BBX: variants seen among roughly 807,000 people sequenced by gnomAD.
The protein encoded by BBX is BBX high mobility group box domain containing.
A neutral mutation model predicts 100.2 loss-of-function variants in BBX; 30 were observed. The observed-to-expected ratio is 0.30, with a 90% CI of 0.22 to 0.41. The LOEUF is 0.41. BBX is among the 10% of genes least tolerant of loss of function. The pLI, the probability that BBX is intolerant of heterozygous loss-of-function variation, is 1.00. For missense variants in BBX, 1,023 were observed against 1,129.8 expected, an observed-to-expected ratio of 0.91 and a Z score of 1.35; for synonymous variants, 376 against 388.1, an observed-to-expected ratio of 0.97 and a Z score of 0.37.
chr3:107,698,222 G>T (rs188275907), intron 3 of BBX, among the ~76,000 whole-genome samples: 6 of 151,556 alleles, frequency 4.0e-5, no homozygotes, highest in Non-Finnish European at 8.8e-5. Context: ...GGCTCCTCCC[G>T]CCTTTTAATT....
At position 107,757,048 on chromosome 3, in the gene BBX, A is replaced by G. The variant is rs576303989; in HGVS notation, c.906+1370A>G. ...TGATTATTTTTCTTGAATAATATGG[A>G]TGTATGACCCTCTGCTTGTGCTGGT... On this transcript the variant is annotated intron_variant, in intron 10 of 17. Transcript: ENST00000325805. Among the ~76,000 whole-genome samples the G allele has an allele frequency of 7.2e-4, 109 of 152,088 alleles. 1 individual carries two copies. The highest frequency in any genetic ancestry group is 1.3e-3 in the Non-Finnish European group (89 of 68,024).
intron 2 of BBX, among the ~76,000 whole-genome samples, chr3:107,638,778 T>TGTACACACAC (rs1559904153): frequency 4.6e-5 from 1 of 21,628 alleles, no homozygotes; most frequent in Non-Finnish European, 9.1e-5. Context: ...AAAAAAAAAG[T>TGTACACACAC]ATACACACAC....
At position 107,810,230 on chromosome 3, in the gene BBX, G is replaced by C. The variant is rs1021872308; in HGVS notation, c.*4773G>C. On this transcript the variant is annotated 3_prime_UTR_variant, in exon 18 of 18. Transcript: ENST00000325805. ...TTTTTTAAAAAAAAAAAAAAAAAAGGTTCCTCTTCTGGCCAAATTTGATCT... is the reference window on the plus strand; with the variant it reads ...TTTTTTAAAAAAAAAAAAAAAAAAGCTTCCTCTTCTGGCCAAATTTGATCT... The C allele has an allele frequency of 6.7e-6, 1 of 148,196 alleles. No individual in the cohort carries two copies. Among genetic ancestry groups the C allele is most frequent in the African/African-American group, 2.5e-5 (1 of 40,098 alleles). 9.2% of individuals were successfully genotyped at this position (148,196 alleles called of 1,614,324 possible). A position where few individuals can be genotyped will look rare whatever the true frequency, so the allele number is the denominator to read the frequency against.
intron 5 of BBX, 113 bp downstream of exon 5, chr3:107,716,962 A>G: frequency 7.7e-7 from 1 of 1,301,846 alleles, no homozygotes; most frequent in Non-Finnish European, 1.1e-6. Context: ...GTGAATCATA[A>G]ATGAGATGTT....
chr3:107,724,913 A>G (rs919981889), intron 5 of BBX, among the ~76,000 whole-genome samples: 5 of 152,174 alleles, frequency 3.3e-5, no homozygotes, highest in Non-Finnish European at 7.3e-5. Context: ...TGCCATATGA[A>G]CTTTAAAGTA....
intron 15 of BBX, among the ~76,000 whole-genome samples, chr3:107,797,651 CTT>C (rs2069884825): frequency 6.6e-6 from 1 of 152,002 alleles, no homozygotes. Context: ...TCTTGTCTTA[CTT>C]TTAAGTTAAG....
At chr3:107,713,636 A>T (rs188790313) in intron 4 of BBX, among the ~76,000 whole-genome samples, 20 of 152,362 alleles carry the variant, frequency 1.3e-4, no homozygotes, top group African/African-American at 4.6e-4. Flanking sequence ...TAGTTGGCAG[A>T]ATGAAAAGTT....
At chr3:107,663,462 C>G (rs928390713) in intron 3 of BBX, among the ~76,000 whole-genome samples, 1 of 152,090 alleles carries the variant, frequency 6.6e-6, no homozygotes, top group Non-Finnish European at 1.5e-5. Context: ...TCTTTGTAGC[C>G]CACAGTGTGC....
intron 2 of BBX, chr3:107,526,729 G>T (rs764148879): frequency 4.1e-5 from 7 of 170,042 alleles, no homozygotes; most frequent in Non-Finnish European, 8.7e-5. Context: ...AATACTATAG[G>T]AAGAGTGCAG....
chr3:107,781,121 T>C (rs996799191), intron 13 of BBX, among the ~76,000 whole-genome samples: 3 of 152,074 alleles, frequency 2.0e-5, no homozygotes, highest in Non-Finnish European at 4.4e-5. Context: ...AAAATAAATT[T>C]GTATGTATGC....
At chr3:107,723,413 T>A (rs145128715) in intron 5 of BBX, among the ~76,000 whole-genome samples, 1 of 151,896 alleles carries the variant, frequency 6.6e-6, no homozygotes, top group Non-Finnish European at 1.5e-5. Context: ...TTTATTTTTT[T>A]AATTTTTTTT....
chr3:107,740,124 G>A (rs868605060), intron 7 of BBX, among the ~76,000 whole-genome samples: 5 of 151,886 alleles, frequency 3.3e-5, no homozygotes, highest in Admixed American at 1.3e-4. Context: ...TATGCCCCCC[G>A]TGGCGGCCCA....
At chr3:107,722,142 A>G (rs2062585338) in intron 5 of BBX, among the ~76,000 whole-genome samples, 1 of 152,026 alleles carries the variant, frequency 6.6e-6, no homozygotes, top group Non-Finnish European at 1.5e-5. Flanking sequence ...AATTAAGTGA[A>G]CTATTTGATT....
At chr3:107,589,474 G>A (rs2107585080) in intron 2 of BBX, among the ~76,000 whole-genome samples, 1 of 152,228 alleles carries the variant, frequency 6.6e-6, no homozygotes, top group African/African-American at 2.4e-5. Context: ...CAAGTTATTT[G>A]GTCCTCCAGA....
chr3:107,658,720 T>TTGTGTG (rs139059517), intron 3 of BBX, among the ~76,000 whole-genome samples: 1 of 151,276 alleles, frequency 6.6e-6, no homozygotes, highest in Non-Finnish European at 1.5e-5. Context: ...ATTTCTTTGT[T>TTGTGTG]TGTGTGTGTG....
intron 2 of BBX, among the ~76,000 whole-genome samples, chr3:107,632,245 T>A (rs952839658): frequency 7.0e-6 from 1 of 142,754 alleles, no homozygotes; most frequent in Non-Finnish European, 1.5e-5. Context: ...GCCCAGCTAA[T>A]TTTTTTTTTT....
intron 2 of BBX, among the ~76,000 whole-genome samples, chr3:107,601,613 TGA>T (rs775736053): frequency 1.1e-4 from 17 of 152,296 alleles, no homozygotes; most frequent in Non-Finnish European, 2.2e-4. Flanking sequence ...CTCTGAAGGC[TGA>T]GAGAGATGAA....
At chr3:107,594,556 A>G (rs780972130) in intron 2 of BBX, among the ~76,000 whole-genome samples, 3 of 152,152 alleles carry the variant, frequency 2.0e-5, no homozygotes, top group Non-Finnish European at 4.4e-5. Context: ...TATGAGCCCT[A>G]GAGTCAGGCT....
intron 3 of BBX, among the ~76,000 whole-genome samples, chr3:107,704,784 A>G (rs6437739): frequency 0.99 from 150,668 of 152,226 alleles, 74,586 homozygotes; most frequent in Middle Eastern, 1. Flanking sequence ...CAATCAAAGC[A>G]GGGTGCAGGG....
Sources: gnomAD v4.1 joint callset for allele counts (sites outside exome capture counted in the v4.1 genomes callset) on GRCh38, gnomAD v4.1.1 for gene constraint, MANE v1.5 for transcripts, NCBI Gene and HGNC (gene_info 2026-07-23, HGNC 2026-07-21) for gene names.